Variants in XYLT1 observed in about 807,000 individuals in gnomAD.
XYLT1 encodes xylosyltransferase 1.
A neutral mutation model predicts 91.3 loss-of-function variants in XYLT1; 36 were observed. The ratio of observed to expected loss-of-function variants is 0.39; its 90% CI spans 0.30 to 0.52. The LOEUF is 0.52. Among genes scored for constraint, XYLT1 ranks in the 20% least tolerant of loss-of-function variants. XYLT1 has a pLI of 0.68. For synonymous variants in XYLT1, 588 were observed against 532.0 expected, an observed-to-expected ratio of 1.11 and a Z score of -1.45; for missense variants, 1,242 against 1,284.5, an observed-to-expected ratio of 0.97 and a Z score of 0.51.
intron 1 of XYLT1, among the ~76,000 whole-genome samples, chr16:17,428,266 G>A (rs1184986260): frequency 3.9e-5 from 6 of 152,224 alleles, no homozygotes; most frequent in Non-Finnish European, 7.3e-5. Context: ...TTAAAGGCAT[G>A]AGCCACTGCA....
chr16:17,384,603 G>A lies in XYLT1; in HGVS notation c.364-26553C>T, dbSNP rs2035724408. Among the ~76,000 whole-genome samples, 2 of 151,878 alleles carry A rather than the reference G, an allele frequency of 1.3e-5. 1 individual carries two copies. Among genetic ancestry groups the A allele is most frequent in the South Asian group, 4.2e-4 (2 of 4,818 alleles). On this transcript the variant is annotated intron_variant, in intron 1 of 11. Coordinates refer to ENST00000261381, the MANE Select transcript of XYLT1 (RefSeq NM_022166.4). ...GAATTGACTGAATCTGAGAGGCACT[G>A]TCTACTTCAGATGTGGTGTGGGAGT... is the stretch of plus-strand genomic sequence containing the variant.
At chr16:17,424,905 AC>A (rs910576253) in intron 1 of XYLT1, among the ~76,000 whole-genome samples, 2 of 148,038 alleles carry the variant, frequency 1.4e-5, no homozygotes, top group African/African-American at 5.0e-5. Context: ...GTGGACACAC[AC>A]CCCGACACTG....
Position 17,105,483 on chromosome 16 carries a change from A to G in XYLT1, c.*3212T>C, listed in dbSNP as rs1386699910. On this transcript the variant is annotated 3_prime_UTR_variant, in exon 12 of 12. Transcript: ENST00000261381. ...CTTCTCACAACACGGGGACCTTGGG[A>G]ATTGCTCACTGCCTCCTTGGAGACA... 1 of 152,156 alleles carries G rather than the reference A, an allele frequency of 6.6e-6. No homozygotes were observed. The highest frequency in any genetic ancestry group is 2.4e-5 in the African/African-American group (1 of 41,428). 9.4% of individuals were successfully genotyped at this position (152,156 alleles called of 1,614,324 possible). A position where few individuals can be genotyped will look rare whatever the true frequency, so the allele number is the denominator to read the frequency against.
chr16:17,133,594 T>C lies in XYLT1; in HGVS notation c.2027+879A>G, dbSNP rs1184276711. ...AGCAGCGTGGAGAAATGGGGGCTAA[T>C]AGTATAATGCCAAGGGAAGAAAACA... On this transcript the variant is annotated intron_variant, in intron 9 of 11. Transcript: ENST00000261381. 2.0e-5 allele frequency among the ~76,000 whole-genome samples: 3 copies of C among 152,122 alleles called. No individual in the cohort carries two copies. The East Asian group carries it at 5.8e-4, about 29-fold the overall frequency.
At chr16:17,121,013 TAATC>T (rs985976462) in intron 10 of XYLT1, among the ~76,000 whole-genome samples, 47 of 152,336 alleles carry the variant, frequency 3.1e-4, no homozygotes, top group African/African-American at 1.0e-3. Context: ...GTCTGTCTGT[TAATC>T]AATCTATGTA....
At chr16:17,190,485 C>T (rs2032285987) in intron 5 of XYLT1, among the ~76,000 whole-genome samples, 1 of 142,642 alleles carries the variant, frequency 7.0e-6, no homozygotes, top group African/African-American at 2.6e-5. Context: ...TGATGTTCCC[C>T]ACCCTGTGTC....
At position 17,291,010 on chromosome 16, in the gene XYLT1, C is replaced by T. The variant is rs553700426; in HGVS notation, c.403-31512G>A. Among the ~76,000 whole-genome samples, 14 of 152,352 alleles carry T rather than the reference C, an allele frequency of 9.2e-5. 1 individual carries two copies. In the South Asian group the frequency reaches 2.9e-3, roughly 32 times the overall value. On this transcript the variant is annotated intron_variant, in intron 2 of 11. Transcript: ENST00000261381. ...AGTGCAATGGCGCAATCATATCTCACTGCATCCTCAGCCTCCCAGGCTCAA... is the reference window on the plus strand; with the variant it reads ...AGTGCAATGGCGCAATCATATCTCATTGCATCCTCAGCCTCCCAGGCTCAA...
At chr16:17,401,534 C>T (rs983470390) in intron 1 of XYLT1, among the ~76,000 whole-genome samples, 4 of 152,238 alleles carry the variant, frequency 2.6e-5, no homozygotes, top group Non-Finnish European at 4.4e-5. Context: ...ACATCCTTTT[C>T]TATGTTCCCG....
At chr16:17,296,443 G>T (rs184859411) in intron 2 of XYLT1, among the ~76,000 whole-genome samples, 35 of 152,252 alleles carry the variant, frequency 2.3e-4, no homozygotes, top group Non-Finnish European at 4.7e-4. Context: ...TTTTGTGTGG[G>T]TGATTAAAGC....
intron 5 of XYLT1, among the ~76,000 whole-genome samples, chr16:17,188,103 C>A (rs548654860): frequency 6.6e-6 from 1 of 151,968 alleles, no homozygotes; most frequent in African/African-American, 2.4e-5. Context: ...GTTCAGGAAG[C>A]TCCTTATGGC....
At chr16:17,188,194 C>T (rs1221967336) in intron 5 of XYLT1, among the ~76,000 whole-genome samples, 1 of 152,026 alleles carries the variant, frequency 6.6e-6, no homozygotes, top group Non-Finnish European at 1.5e-5. Flanking sequence ...TCAGTAGAAG[C>T]AACTGCTTGT....
intron 3 of XYLT1, among the ~76,000 whole-genome samples, chr16:17,230,154 C>T (rs540516897): frequency 8.5e-5 from 13 of 152,152 alleles, no homozygotes; most frequent in Admixed American, 1.3e-4. Context: ...TTCTCCAGGA[C>T]GAGAGAATAA....
intron 1 of XYLT1, among the ~76,000 whole-genome samples, chr16:17,434,699 TA>T (rs1458743700): frequency 6.6e-6 from 1 of 151,844 alleles, no homozygotes; most frequent in Middle Eastern, 3.2e-3. Context: ...TCTACAAAAA[TA>T]ATACTGATAA....
At chr16:17,464,454 T>C (rs887667668) in intron 1 of XYLT1, among the ~76,000 whole-genome samples, 16 of 140,200 alleles carry the variant, frequency 1.1e-4, no homozygotes, top group African/African-American at 4.1e-4. Flanking sequence ...ATTGTGCCAC[T>C]GCACTCCAGG....
chr16:17,199,945 G>C (rs908267085), intron 4 of XYLT1, among the ~76,000 whole-genome samples: 1 of 152,162 alleles, frequency 6.6e-6, no homozygotes. Flanking sequence ...TTTAGGGGCC[G>C]GGCACGGTGG....
At chr16:17,424,488 A>C (rs1040795450) in intron 1 of XYLT1, among the ~76,000 whole-genome samples, 12 of 152,316 alleles carry the variant, frequency 7.9e-5, no homozygotes, top group Non-Finnish European at 1.6e-4. Context: ...GCTAAGTAAA[A>C]AGTGAGTGGA....
At chr16:17,354,377 T>C (rs536181765) in intron 2 of XYLT1, among the ~76,000 whole-genome samples, 12 of 152,272 alleles carry the variant, frequency 7.9e-5, no homozygotes, top group African/African-American at 2.9e-4. Context: ...AGCCAATCAA[T>C]CCATCTCCCC....
At chr16:17,170,196 G>A (rs34515795) in intron 5 of XYLT1, among the ~76,000 whole-genome samples, 1,872 of 152,250 alleles carry the variant, frequency 0.012, 20 homozygotes, top group Middle Eastern at 0.044. Context: ...TATATTCTTC[G>A]CTAGAAATGC....
At chr16:17,359,454 G>C (rs770607297) in intron 1 of XYLT1, among the ~76,000 whole-genome samples, 4 of 152,228 alleles carry the variant, frequency 2.6e-5, no homozygotes, top group African/African-American at 7.2e-5. Flanking sequence ...ATTCTGAGGA[G>C]TGTAAGAGGC....
Sources: gnomAD v4.1 joint callset for allele counts (sites outside exome capture counted in the v4.1 genomes callset) on GRCh38, gnomAD v4.1.1 for gene constraint, MANE v1.5 for transcripts, NCBI Gene and HGNC (gene_info 2026-07-23, HGNC 2026-07-21) for gene names.